The following HIVEP3 variants were observed in gnomAD, a reference collection of about 807,000 sequenced individuals.
The protein encoded by HIVEP3 is HIVEP zinc finger 3.
HIVEP3 carries 49 observed loss-of-function variants against 152.8 expected under a neutral mutation model. The observed-to-expected ratio is 0.32, with a 90% CI of 0.26 to 0.41. The LOEUF (loss-of-function observed/expected upper bound fraction) is 0.41. Ranked by LOEUF, HIVEP3 falls within the 10% of genes least tolerant of loss-of-function variation. HIVEP3 has a pLI of 1.00. For synonymous variants in HIVEP3, 1,269 were observed against 1,289.0 expected, an observed-to-expected ratio of 0.98 and a Z score of 0.33; for missense variants, 2,790 against 3,103.3, an observed-to-expected ratio of 0.90 and a Z score of 2.40.
chr1:41,727,348 GAGGCAGCCCCT>G (rs1376732287), intron 1 of HIVEP3, among the ~76,000 whole-genome samples: 1 of 152,222 alleles, frequency 6.6e-6, no homozygotes, highest in Non-Finnish European at 1.5e-5. Flanking sequence ...ATGAAGCCGG[GAGGCAGCCCCT>G]TCCTGTGCCT....
intron 1 of HIVEP3, among the ~76,000 whole-genome samples, chr1:41,728,571 G>A (rs529178698): frequency 2.6e-5 from 4 of 152,198 alleles, no homozygotes; most frequent in Non-Finnish European, 5.9e-5. Context: ...TCTGCAGAGG[G>A]TGGATGAGGC....
chr1:41,936,739 A>G (rs1645022070), intron 1 of HIVEP3, among the ~76,000 whole-genome samples: 1 of 152,136 alleles, frequency 6.6e-6, no homozygotes, highest in African/African-American at 2.4e-5. Context: ...ATCTCAAGGT[A>G]TTTGTGGAGT....
intron 2 of HIVEP3, among the ~76,000 whole-genome samples, chr1:41,648,593 C>T (rs1338670885): frequency 6.6e-6 from 1 of 152,170 alleles, no homozygotes; most frequent in Non-Finnish European, 1.5e-5. Flanking sequence ...AAGGTGTCTC[C>T]AATTTTTGTC....
At chr1:41,635,374 C>T (rs1356960662) in intron 2 of HIVEP3, among the ~76,000 whole-genome samples, 1 of 151,620 alleles carries the variant, frequency 6.6e-6, no homozygotes, top group Non-Finnish European at 1.5e-5. Context: ...GAGTTAAGCA[C>T]ATAACCCAAG....
intron 1 of HIVEP3, among the ~76,000 whole-genome samples, chr1:41,905,197 T>C (rs1644691262): frequency 6.6e-6 from 1 of 152,202 alleles, no homozygotes. Flanking sequence ...TTATAGTTTA[T>C]AGTTATGTTT....
chr1:41,644,113 T>G (rs959719488), intron 2 of HIVEP3, among the ~76,000 whole-genome samples: 5 of 152,034 alleles, frequency 3.3e-5, no homozygotes, highest in Admixed American at 2.6e-4. Context: ...CTCAAACTCC[T>G]GAGCTCAAGT....
intron 1 of HIVEP3, among the ~76,000 whole-genome samples, chr1:41,874,174 T>C (rs1178872390): frequency 2.0e-5 from 3 of 152,264 alleles, no homozygotes; most frequent in African/African-American, 7.2e-5. Context: ...CCCTTATCAT[T>C]GAAATGAACT....
At chr1:41,553,836 T>G (rs1242129502) in intron 5 of HIVEP3, among the ~76,000 whole-genome samples, 1 of 152,274 alleles carries the variant, frequency 6.6e-6, no homozygotes, top group Non-Finnish European at 1.5e-5. Flanking sequence ...CACTCTCTTC[T>G]GGCTTGTAGG....
chr1:41,904,423 A>T (rs577415272), intron 1 of HIVEP3, among the ~76,000 whole-genome samples: 1 of 152,338 alleles, frequency 6.6e-6, no homozygotes, highest in South Asian at 2.1e-4. Context: ...GGGCTTGCCC[A>T]GACCAACAAA....
chr1:41,589,627 C>T (rs1644557628), intron 3 of HIVEP3, among the ~76,000 whole-genome samples: 1 of 152,218 alleles, frequency 6.6e-6, no homozygotes, highest in African/African-American at 2.4e-5. Flanking sequence ...TAGACAATTC[C>T]ACCAGTCCTG....
At chr1:41,708,821 T>G (rs1012578584) in intron 1 of HIVEP3, among the ~76,000 whole-genome samples, 29 of 152,328 alleles carry the variant, frequency 1.9e-4, no homozygotes, top group Admixed American at 1.2e-3. Context: ...AGTCAAGTAC[T>G]AGAAGCAACC....
intron 1 of HIVEP3, among the ~76,000 whole-genome samples, chr1:41,912,287 C>T (rs1373685222): frequency 1.3e-5 from 2 of 152,112 alleles, no homozygotes; most frequent in African/African-American, 4.8e-5. Context: ...AAGTGTTAGT[C>T]ATAATGTTAT....
At chr1:41,705,916 G>A (rs749808164) in intron 1 of HIVEP3, among the ~76,000 whole-genome samples, 29 of 152,186 alleles carry the variant, frequency 1.9e-4, no homozygotes, top group African/African-American at 3.4e-4. Context: ...GAAAACTAGG[G>A]TACAGCTATA....
At chr1:41,941,763 G>A (rs1645047036) in intron 1 of HIVEP3, among the ~76,000 whole-genome samples, 1 of 152,206 alleles carries the variant, frequency 6.6e-6, no homozygotes, top group South Asian at 2.1e-4. Flanking sequence ...AAAAGGGCAT[G>A]AAGAAGCCAT....
intron 4 of HIVEP3, among the ~76,000 whole-genome samples, chr1:41,579,480 A>T (rs1644367445): frequency 6.6e-6 from 1 of 152,228 alleles, no homozygotes; most frequent in African/African-American, 2.4e-5. Context: ...CACAACAGAA[A>T]TTCATGGCAG....
At chr1:41,993,511 A>C (rs933005362) in intron 1 of HIVEP3, among the ~76,000 whole-genome samples, 1 of 152,042 alleles carries the variant, frequency 6.6e-6, no homozygotes, top group Non-Finnish European at 1.5e-5. Flanking sequence ...CAGGTGCTGG[A>C]GAGGAAGTGG....
intron 1 of HIVEP3, among the ~76,000 whole-genome samples, chr1:41,722,403 GCCTT>G (rs374319014): frequency 0.054 from 6,097 of 112,914 alleles, 166 homozygotes; most frequent in South Asian, 0.12. Flanking sequence ...AATTTGGCTG[GCCTT>G]CCTTCCTTCC....
chr1:41,620,075 G>A (rs1211853584), intron 3 of HIVEP3, among the ~76,000 whole-genome samples: 1 of 152,174 alleles, frequency 6.6e-6, no homozygotes, highest in African/African-American at 2.4e-5. Context: ...GAAGGAAAGG[G>A]GGAAAGGTGC....
chr1:41,778,820 G>A (rs556461455), intron 1 of HIVEP3, among the ~76,000 whole-genome samples: 11 of 152,290 alleles, frequency 7.2e-5, no homozygotes, highest in African/African-American at 2.6e-4. Flanking sequence ...AGGAGATGGA[G>A]CATGATGAGG....
Sources: gnomAD v4.1 joint callset for allele counts (sites outside exome capture counted in the v4.1 genomes callset) on GRCh38, gnomAD v4.1.1 for gene constraint, MANE v1.5 for transcripts, NCBI Gene and HGNC (gene_info 2026-07-23, HGNC 2026-07-21) for gene names.